MAN1A2: variants seen among roughly 807,000 people sequenced by gnomAD.
The protein encoded by MAN1A2 is mannosyl-oligosaccharide 1,2-alpha-mannosidase IB.
Under a neutral mutation model 75.7 loss-of-function variants are expected in MAN1A2, and 26 were observed. The ratio of observed to expected loss-of-function variants is 0.34; its 90% CI spans 0.25 to 0.48. The LOEUF is 0.48. Ranked by LOEUF, MAN1A2 falls within the 20% of genes least tolerant of loss-of-function variation. The probability of loss-of-function intolerance (pLI) is 0.99; values close to 1 mark genes in which losing one functional copy is unlikely to be tolerated. For missense variants in MAN1A2, 562 were observed against 775.5 expected, an observed-to-expected ratio of 0.72 and a Z score of 3.27; for synonymous variants, 247 against 264.6, an observed-to-expected ratio of 0.93 and a Z score of 0.65.
chr1:117,461,602 T>C (rs1472440783), intron 7 of MAN1A2, among the ~76,000 whole-genome samples: 2 of 152,154 alleles, frequency 1.3e-5, no homozygotes, highest in African/African-American at 4.8e-5. Context: ...GATGGATGTT[T>C]CAGTTACTCA....
chr1:117,408,427 T>G (rs963619092), intron 3 of MAN1A2, among the ~76,000 whole-genome samples: 10 of 152,132 alleles, frequency 6.6e-5, no homozygotes, highest in Admixed American at 6.5e-4. Flanking sequence ...TAAAAAGTAT[T>G]CTTTGATTTT....
At chr1:117,494,568 A>C (rs898301266) in intron 9 of MAN1A2, 2 of 152,078 alleles carry the variant, frequency 1.3e-5, no homozygotes, top group Admixed American at 1.3e-4. Context: ...TAAAAAATGC[A>C]CAGGAGTTGA....
chr1:117,478,276 CAT>C (rs1650383635), intron 8 of MAN1A2, among the ~76,000 whole-genome samples: 1 of 151,876 alleles, frequency 6.6e-6, no homozygotes, highest in Non-Finnish European at 1.5e-5. Flanking sequence ...CTATTAAAAA[CAT>C]TATTTTCTTA....
rs1652001924 is a variant in MAN1A2 at position 117,525,861 on chromosome 1, T to C, written c.*2904T>C. ...CAGGTGGTTCTTACTTTCTTGTGGG[T>C]TGCACATTTTGTATCTCTCTAACAT... On this transcript the variant is annotated 3_prime_UTR_variant, in exon 13 of 13. Coordinates refer to ENST00000356554, the MANE Select transcript of MAN1A2 (RefSeq NM_006699.5). 6.6e-6 allele frequency: 1 copy of C among 151,760 alleles called. No individual in the cohort carries two copies. The highest frequency in any genetic ancestry group is 6.6e-5 in the Admixed American group (1 of 15,178). The allele number at this position is 151,760 out of a possible 1,614,324, so 9.4% of individuals were successfully genotyped here.
At chr1:117,501,811 A>C (rs1651210255) in intron 11 of MAN1A2, among the ~76,000 whole-genome samples, 1 of 151,746 alleles carries the variant, frequency 6.6e-6, no homozygotes, top group Admixed American at 6.6e-5. Flanking sequence ...GAAAAGTAGC[A>C]AGACTAGGAA....
At chr1:117,417,235 G>C (rs1438950570) in intron 4 of MAN1A2, among the ~76,000 whole-genome samples, 4 of 151,776 alleles carry the variant, frequency 2.6e-5, no homozygotes, top group African/African-American at 9.7e-5. Context: ...ACCTTTAAAT[G>C]TCATTATGTT....
At chr1:117,519,788 C>A (rs10923332) in intron 12 of MAN1A2, among the ~76,000 whole-genome samples, 1 of 151,900 alleles carries the variant, frequency 6.6e-6, no homozygotes, top group Non-Finnish European at 1.5e-5. Context: ...GACACTATTC[C>A]GCAAGACAGA....
rs943872657 is a variant in MAN1A2, at chr1:117,397,160, T to C, written c.303-5026T>C. On this transcript the variant is annotated intron_variant, in intron 1 of 12. Coordinates refer to ENST00000356554, the MANE Select transcript of MAN1A2 (RefSeq NM_006699.5). ...GTCTTTTCTTGCCCTCTAGTTGATA[T>C]TGGTTCTTCTGAAATAGTTTACTCA... is the stretch of plus-strand genomic sequence containing the variant. Among the ~76,000 whole-genome samples the C allele has an allele frequency of 6.6e-5, 10 of 152,174 alleles. No homozygotes were observed. In the East Asian group the frequency reaches 1.2e-3, roughly 18 times the overall value.
chr1:117,460,846 T>C (rs1037616505), intron 7 of MAN1A2, among the ~76,000 whole-genome samples: 1 of 152,216 alleles, frequency 6.6e-6, no homozygotes, highest in African/African-American at 2.4e-5. Flanking sequence ...TTCAAAAATT[T>C]CACTGCTATT....
chr1:117,478,334 T>C (rs1650385607), intron 8 of MAN1A2, among the ~76,000 whole-genome samples: 1 of 152,000 alleles, frequency 6.6e-6, no homozygotes, highest in Non-Finnish European at 1.5e-5. Flanking sequence ...ATACAATTCC[T>C]ATATCAGATA....
At chr1:117,370,738 A>AGTGT (rs71658400) in intron 1 of MAN1A2, among the ~76,000 whole-genome samples, 40,778 of 148,028 alleles carry the variant, frequency 0.28, 5,843 homozygotes, top group East Asian at 0.35. Flanking sequence ...ATCTTCATTT[A>AGTGT]GTGTGTGTGT....
rs149089533 is a variant in MAN1A2 at position 117,460,510 on chromosome 1, C to T, written c.972C>T (p.Gly324=). The T allele has an allele frequency of 6.2e-7, 1 of 1,612,424 alleles. No individual in the cohort carries two copies. Among genetic ancestry groups the T allele is most frequent in the East Asian group, 2.2e-5 (1 of 44,744 alleles). The change falls in exon 7 of 13, where the codon GGC becomes GGT. Residue 324 remains glycine, a synonymous_variant. Coordinates refer to ENST00000356554, the MANE Select transcript of MAN1A2 (RefSeq NM_006699.5). ...NLKSGVGRNW[G]WASAGSSILA... is the part of the protein sequence containing the mutation. ...TCAGTGGAGTAGGGCGAAACTGGGG[C>T]TGGGCATCTGCAGGTAGCAGCATTC...
chr1:117,475,448 G>A (rs1650285759), intron 8 of MAN1A2, among the ~76,000 whole-genome samples: 1 of 151,730 alleles, frequency 6.6e-6, no homozygotes, highest in Admixed American at 6.6e-5. Context: ...ACGTGCCATG[G>A]TGGTTTGCTG....
At chr1:117,479,519 G>A (rs554686500) in intron 8 of MAN1A2, among the ~76,000 whole-genome samples, 16 of 151,944 alleles carry the variant, frequency 1.1e-4, no homozygotes, top group African/African-American at 3.6e-4. Flanking sequence ...CAAGGAATCA[G>A]CACACTGTCT....
intron 6 of MAN1A2, among the ~76,000 whole-genome samples, chr1:117,449,558 C>CA (rs34612489): frequency 0.42 from 44,534 of 106,392 alleles, 7,501 homozygotes; most frequent in Middle Eastern, 0.48. Flanking sequence ...GACCCTGTCT[C>CA]AAAAAAAAAA....
At chr1:117,385,428 T>C (rs1177309977) in intron 1 of MAN1A2, among the ~76,000 whole-genome samples, 1 of 152,220 alleles carries the variant, frequency 6.6e-6, no homozygotes, top group African/African-American at 2.4e-5. Flanking sequence ...GTAGTAATTA[T>C]GGTCTGGTTG....
intron 1 of MAN1A2, among the ~76,000 whole-genome samples, chr1:117,393,486 T>TTG (rs1036203445): frequency 1.5e-4 from 22 of 151,474 alleles, no homozygotes; most frequent in African/African-American, 2.2e-4. Flanking sequence ...ATTTTTTTTT[T>TTG]TGTGTGTGTG....
At chr1:117,420,747 T>C in intron 5 of MAN1A2, 98 bp downstream of exon 5, 2 of 865,408 alleles carry the variant, frequency 2.3e-6, no homozygotes. Context: ...TTTTCTAAAT[T>C]GGTAATATTG....
At position 117,368,441 on chromosome 1, in the gene MAN1A2, C is replaced by T; in HGVS notation, c.258C>T (p.Asn86=). Residue 86 remains asparagine, a synonymous_variant, in exon 1 of 13, where the codon AAC becomes AAT. Coordinates refer to ENST00000356554, the MANE Select transcript of MAN1A2 (RefSeq NM_006699.5). ...TAGATGCCGGTAAAGGGGCTAAAAA[C>T]CCCGGAGTCTTCCTGATCCATGGAC... ...PHVDAGKGAK[N]PGVFLIHGPD... is the part of the protein sequence containing the mutation. 1 of 1,613,732 alleles carries T rather than the reference C, an allele frequency of 6.2e-7. No homozygotes were observed. The highest frequency in any genetic ancestry group is 8.5e-7 in the Non-Finnish European group (1 of 1,179,920).
Sources: allele counts gnomAD v4.1 joint callset (sites outside exome capture counted in the v4.1 genomes callset), GRCh38; gene constraint gnomAD v4.1.1; transcripts MANE v1.5; gene names NCBI Gene and HGNC (gene_info 2026-07-23, HGNC 2026-07-21).